Variants in FNDC3B observed in about 807,000 individuals in gnomAD.
The protein encoded by FNDC3B is fibronectin type III domain containing 3B.
In FNDC3B, 12 loss-of-function variants were observed where a neutral mutation model predicts 151.5. That is an observed-to-expected ratio of 0.08 (90% CI 0.05 to 0.13). The LOEUF (loss-of-function observed/expected upper bound fraction) is 0.13, where lower values mean the gene tolerates loss of function less well. FNDC3B is among the 10% of genes least tolerant of loss of function. The probability of loss-of-function intolerance (pLI) is 1.00; values close to 1 mark genes in which losing one functional copy is unlikely to be tolerated. For synonymous variants in FNDC3B, 528 were observed against 549.0 expected (o/e 0.96, Z 0.54); for missense variants, 1,214 against 1,505.3 (o/e 0.81, Z 3.20).
chr3:172,297,526 G>C (rs1279612599), intron 8 of FNDC3B, among the ~76,000 whole-genome samples: 2 of 151,912 alleles, frequency 1.3e-5, no homozygotes, highest in African/African-American at 4.8e-5. Flanking sequence ...CCAGGCTGGA[G>C]TGCAGTGGCA....
At chr3:172,236,496 G>C (rs1727172052) in intron 4 of FNDC3B, among the ~76,000 whole-genome samples, 1 of 152,202 alleles carries the variant, frequency 6.6e-6, no homozygotes, top group South Asian at 2.1e-4. Context: ...TATACAAATT[G>C]TAGGAGTTGC....
chr3:172,207,769 G>GA (rs1725508687), intron 3 of FNDC3B, among the ~76,000 whole-genome samples: 1 of 152,126 alleles, frequency 6.6e-6, no homozygotes, highest in Non-Finnish European at 1.5e-5. Flanking sequence ...CCAACATGGT[G>GA]AAACCCTGTC....
chr3:172,129,780 GA>G (rs1297946427), intron 2 of FNDC3B, among the ~76,000 whole-genome samples: 1 of 151,172 alleles, frequency 6.6e-6, no homozygotes, highest in African/African-American at 2.4e-5. Flanking sequence ...GATCTCTGGA[GA>G]AAAAAAATAT....
At chr3:172,221,278 G>A (rs1295984793) in intron 3 of FNDC3B, among the ~76,000 whole-genome samples, 1 of 151,908 alleles carries the variant, frequency 6.6e-6, no homozygotes, top group Non-Finnish European at 1.5e-5. Context: ...TCTTTTTCTT[G>A]CCTAATTGTT....
chr3:172,310,905 C>T (rs1426465701), intron 11 of FNDC3B, 24 bp downstream of exon 11: 1 of 1,542,664 alleles, frequency 6.5e-7, no homozygotes, highest in African/African-American at 1.4e-5. Context: ...CATATTCACC[C>T]ATCTAAAACA....
chr3:172,045,806 A>G (rs1447091127), intron 1 of FNDC3B, among the ~76,000 whole-genome samples: 1 of 151,590 alleles, frequency 6.6e-6, no homozygotes, highest in Non-Finnish European at 1.5e-5. Context: ...ATATATATAT[A>G]TACACTTTGC....
rs551026464 is a variant in FNDC3B, at chr3:172,169,606, C to T, written c.187+36060C>T. Among the ~76,000 whole-genome samples, 6 of 152,260 alleles carry T rather than the reference C, an allele frequency of 3.9e-5. No individual in the cohort carries two copies. The South Asian group carries it at 8.3e-4, about 21-fold the overall frequency. On this transcript the variant is annotated intron_variant, in intron 3 of 25. Transcript: ENST00000415807. ...AACCACTCCATGGATGGGGCCACGC[C>T]GGCAGAGAAACCTTCTTACAGGGAA...
chr3:172,145,084 G>GC (rs1420185603), intron 3 of FNDC3B, among the ~76,000 whole-genome samples: 1 of 151,728 alleles, frequency 6.6e-6, no homozygotes, highest in East Asian at 1.9e-4. Context: ...TAAGGTCGAA[G>GC]CATTCCATAA....
intron 1 of FNDC3B, among the ~76,000 whole-genome samples, chr3:172,100,676 AT>A (rs1719337686): frequency 6.6e-6 from 1 of 152,098 alleles, no homozygotes; most frequent in South Asian, 2.1e-4. Context: ...TTCATGTGAA[AT>A]TTCTGTTTCG....
At chr3:172,134,093 C>T (rs1576895892) in intron 3 of FNDC3B, among the ~76,000 whole-genome samples, 1 of 152,184 alleles carries the variant, frequency 6.6e-6, no homozygotes, top group African/African-American at 2.4e-5. Flanking sequence ...CTTCCAAATG[C>T]AAAATGCCCC....
chr3:172,262,272 G>A (rs1190284557), intron 6 of FNDC3B, among the ~76,000 whole-genome samples: 1 of 152,216 alleles, frequency 6.6e-6, no homozygotes, highest in African/African-American at 2.4e-5. Flanking sequence ...TGGAGACGGG[G>A]AAAGCCTTTT....
chr3:172,251,270 A>G lies in FNDC3B; in HGVS notation c.519A>G (p.Pro173=), dbSNP rs760300359. The G allele has an allele frequency of 1.2e-6, 2 of 1,609,846 alleles. No homozygotes were observed. The highest frequency in any genetic ancestry group is 8.5e-7 in the Non-Finnish European group (1 of 1,176,828). Residue 173 remains proline, a synonymous_variant, in exon 6 of 26, where the codon CCA becomes CCG. Coordinates refer to ENST00000415807, the MANE Select transcript of FNDC3B (RefSeq NM_022763.4). The part of the protein sequence containing the change: ...HTIYGEQEII[P]FYGMSTYITR... Reference sequence around the variant, plus strand: ...AATCATCCATTTTAGAAATTATACCATTTTATGGAATGTCAACCTACATCA... The same window carrying G: ...AATCATCCATTTTAGAAATTATACCGTTTTATGGAATGTCAACCTACATCA...
At position 172,355,301 on chromosome 3, in the gene FNDC3B, CA is replaced by C. The variant is rs573644992; in HGVS notation, c.2795+2219del. 3.6e-3 allele frequency among the ~76,000 whole-genome samples: 548 copies of C among 152,258 alleles called. 5 individuals are homozygous for C. In the Middle Eastern group the frequency reaches 0.044, roughly 12 times the overall value. On this transcript the variant is annotated intron_variant, in intron 22 of 25. Transcript: ENST00000415807. ...TCCTTGGCTTGAGCATCTTCAGTGA[CA>C]GGGGCAGTGGTTCTAGCTTCCACTC...
chr3:172,193,627 T>C (rs1269554502), intron 3 of FNDC3B, among the ~76,000 whole-genome samples: 5 of 151,434 alleles, frequency 3.3e-5, no homozygotes, highest in African/African-American at 1.2e-4. Flanking sequence ...ACTGCTGGAC[T>C]TTGTCTAGGA....
intron 21 of FNDC3B, among the ~76,000 whole-genome samples, chr3:172,349,115 C>T (rs1733740665): frequency 6.6e-6 from 1 of 150,958 alleles, no homozygotes; most frequent in Admixed American, 6.6e-5. Flanking sequence ...CATAACAAAA[C>T]CCCTCCTCTA....
intron 3 of FNDC3B, among the ~76,000 whole-genome samples, chr3:172,222,977 G>A (rs758574927): frequency 1.3e-5 from 2 of 152,194 alleles, no homozygotes; most frequent in Non-Finnish European, 2.9e-5. Flanking sequence ...TGTGAATACT[G>A]TCATACAATC....
At chr3:172,180,205 C>T (rs1306693533) in intron 3 of FNDC3B, among the ~76,000 whole-genome samples, 1 of 152,170 alleles carries the variant, frequency 6.6e-6, no homozygotes, top group East Asian at 1.9e-4. Flanking sequence ...TTCTGCTGTC[C>T]TTCCAGCTGG....
chr3:172,373,085 G>A (rs1006841861), intron 23 of FNDC3B, among the ~76,000 whole-genome samples: 1 of 152,174 alleles, frequency 6.6e-6, no homozygotes, highest in African/African-American at 2.4e-5. Context: ...TAGAGCAGGG[G>A]AGCAGCCCAG....
In FNDC3B at chr3:172,399,756, C is replaced by T. The variant is rs1393094784; in HGVS notation, c.*2281C>T. 6.6e-6 allele frequency: 1 copy of T among 152,564 alleles called. No homozygotes were observed. Among genetic ancestry groups the T allele is most frequent in the African/African-American group, 2.4e-5 (1 of 41,440 alleles). The allele number at this position is 152,564 out of a possible 1,614,324, so 9.5% of individuals were successfully genotyped here. On this transcript the variant is annotated 3_prime_UTR_variant, in exon 26 of 26. Transcript: ENST00000415807. ...ATGAAAATTCAACTGAGTACAAAGC[C>T]CCCTCTTGGGGGGTTGGGGAAGTCT...
Sources: allele counts gnomAD v4.1 joint callset (sites outside exome capture counted in the v4.1 genomes callset), GRCh38; gene constraint gnomAD v4.1.1; transcripts MANE v1.5; gene names NCBI Gene and HGNC (gene_info 2026-07-23, HGNC 2026-07-21).